Variants in SPATS2 observed in about 807,000 individuals in gnomAD.
The protein encoded by SPATS2 is spermatogenesis-associated serine-rich protein 2.
A neutral mutation model predicts 63.7 loss-of-function variants in SPATS2; 38 were observed. That is an observed-to-expected ratio of 0.60 (90% CI 0.46 to 0.78). The LOEUF is 0.78. SPATS2 is among the 30% of genes least tolerant of loss of function. SPATS2 has a pLI of 0.00. For synonymous variants in SPATS2, 207 were observed against 232.9 expected (o/e 0.89, Z 1.01); for missense variants, 588 against 666.2 (o/e 0.88, Z 1.29).
chr12:49,399,445 C>T (rs1005252510), intron 2 of SPATS2, among the ~76,000 whole-genome samples: 3 of 152,096 alleles, frequency 2.0e-5, no homozygotes, highest in Non-Finnish European at 4.4e-5. Flanking sequence ...TATTAGGGGC[C>T]ACGCATAAAG....
At chr12:49,408,656 A>G (rs1944740866) in intron 2 of SPATS2, among the ~76,000 whole-genome samples, 1 of 149,038 alleles carries the variant, frequency 6.7e-6, no homozygotes, top group African/African-American at 2.5e-5. Context: ...CCTGGCTTCA[A>G]GTGATTCTCC....
chr12:49,388,592 T>A (rs963272919), intron 2 of SPATS2, among the ~76,000 whole-genome samples: 8 of 151,908 alleles, frequency 5.3e-5, no homozygotes, highest in African/African-American at 1.7e-4. Context: ...CTCAGGCTGG[T>A]CTTGAACTTC....
chr12:49,424,659 AC>A (rs1203932239), intron 2 of SPATS2, among the ~76,000 whole-genome samples: 1 of 152,080 alleles, frequency 6.6e-6, no homozygotes, highest in Admixed American at 6.6e-5. Context: ...AATGATACAT[AC>A]GTACCATAGT....
Position 49,420,557 on chromosome 12 carries a change from T to C in SPATS2, c.-243-40213T>C, listed in dbSNP as rs888484567. Reference sequence around the variant, plus strand: ...TGCAGTGAGCCACTGCACTCCAGCCTGGGTGACGGGGCAAGACCCCATCTC... The same window carrying C: ...TGCAGTGAGCCACTGCACTCCAGCCCGGGTGACGGGGCAAGACCCCATCTC... On this transcript the variant is annotated intron_variant, in intron 2 of 13. Transcript: ENST00000552918. Among the ~76,000 whole-genome samples, 7 of 152,134 alleles carry C rather than the reference T, an allele frequency of 4.6e-5. No individual in the cohort carries two copies. In the South Asian group the frequency reaches 8.3e-4, roughly 18 times the overall value.
intron 2 of SPATS2, among the ~76,000 whole-genome samples, chr12:49,446,968 G>T (rs1185446012): frequency 6.8e-6 from 1 of 148,054 alleles, no homozygotes; most frequent in East Asian, 2.0e-4. Context: ...TTACTCTGTC[G>T]CCCAGGCTGG....
intron 2 of SPATS2, among the ~76,000 whole-genome samples, chr12:49,416,459 A>G (rs1944891255): frequency 6.6e-6 from 1 of 151,510 alleles, no homozygotes; most frequent in Non-Finnish European, 1.5e-5. Flanking sequence ...ACCTGGCAGA[A>G]GTTTTATCAC....
At chr12:49,376,524 G>A (rs1944106073) in intron 2 of SPATS2, among the ~76,000 whole-genome samples, 1 of 151,730 alleles carries the variant, frequency 6.6e-6, no homozygotes, top group African/African-American at 2.4e-5. Context: ...AGTCTCCCTA[G>A]TAGCTGGGAG....
intron 7 of SPATS2, among the ~76,000 whole-genome samples, chr12:49,495,229 T>C (rs1045788868): frequency 6.6e-6 from 1 of 152,152 alleles, no homozygotes; most frequent in Non-Finnish European, 1.5e-5. Flanking sequence ...AATCTCGCTG[T>C]GTCGCCCAGG....
rs969266223 is a variant in SPATS2 at position 49,472,309 on chromosome 12, A to C, written c.25+11272A>C. Among the ~76,000 whole-genome samples the C allele has an allele frequency of 7.2e-5, 11 of 152,114 alleles. No homozygotes were observed. The South Asian group carries it at 1.9e-3, about 26-fold the overall frequency. On this transcript the variant is annotated intron_variant, in intron 3 of 13. Transcript: ENST00000552918. ...ACCTCCAATGGGTTTATTTTGAAGC[A>C]ACTTTCTCCCACTATCTTAAGGAAA...
At chr12:49,388,938 C>T (rs181431295) in intron 2 of SPATS2, among the ~76,000 whole-genome samples, 16 of 152,194 alleles carry the variant, frequency 1.1e-4, no homozygotes, top group African/African-American at 3.6e-4. Flanking sequence ...AAGCAGTCCT[C>T]TCACATTGGC....
At position 49,406,034 on chromosome 12, in the gene SPATS2, C is replaced by T. The variant is rs139242494; in HGVS notation, c.-244+34744C>T. 2.7e-3 allele frequency among the ~76,000 whole-genome samples: 413 copies of T among 151,954 alleles called. 2 individuals carry two copies. The highest frequency in any genetic ancestry group is 9.6e-3 in the African/African-American group (399 of 41,450). On this transcript the variant is annotated intron_variant, in intron 2 of 13. Coordinates refer to ENST00000552918, the MANE Select transcript of SPATS2 (RefSeq NM_023071.4). ...ATGCCTTTGGTTTGGGAGGCCGAGG[C>T]GGGTGGATCACTTGAGGTCAGGAGT...
At position 49,367,466 on chromosome 12, in the gene SPATS2, A is replaced by G; in HGVS notation, c.-428A>G. On this transcript the variant is annotated 5_prime_UTR_variant, in exon 1 of 14. Transcript: ENST00000552918. ...GAGCTGGGGGAGGAGCGCGGCGGCG[A>G]CGGCGGCGGTGGCTCTAGAAGGGGA... 5.0e-6 allele frequency: 2 copies of G among 398,044 alleles called. No individual in the cohort carries two copies. The highest frequency in any genetic ancestry group is 1.3e-4 in the South Asian group (1 of 7,896). 24.7% of individuals were successfully genotyped at this position (398,044 alleles called of 1,614,324 possible).
intron 2 of SPATS2, among the ~76,000 whole-genome samples, chr12:49,396,406 G>T (rs940004242): frequency 6.6e-6 from 1 of 152,062 alleles, no homozygotes; most frequent in African/African-American, 2.4e-5. Context: ...TGATTTCCTC[G>T]TGGGAGGTTT....
intron 10 of SPATS2, among the ~76,000 whole-genome samples, chr12:49,515,111 A>G (rs1047317026): frequency 1.3e-5 from 2 of 152,222 alleles, no homozygotes; most frequent in Non-Finnish European, 2.9e-5. Flanking sequence ...TAGAGAATTG[A>G]GGGTTCAAGA....
intron 6 of SPATS2, among the ~76,000 whole-genome samples, chr12:49,492,446 G>A (rs905152049): frequency 2.6e-5 from 4 of 151,770 alleles, no homozygotes; most frequent in Non-Finnish European, 2.9e-5. Context: ...GGTGTCGAAC[G>A]CCTGACCCCA....
chr12:49,377,856 A>G (rs555675810), intron 2 of SPATS2, among the ~76,000 whole-genome samples: 20 of 152,234 alleles, frequency 1.3e-4, no homozygotes, highest in African/African-American at 4.8e-4. Context: ...CTACTCCCCT[A>G]CCTACTCCCT....
At chr12:49,493,720 T>G (rs904537514) in intron 6 of SPATS2, among the ~76,000 whole-genome samples, 1 of 152,142 alleles carries the variant, frequency 6.6e-6, no homozygotes, top group Admixed American at 6.6e-5. Context: ...TGAAACATCT[T>G]TATCCCATCC....
intron 2 of SPATS2, among the ~76,000 whole-genome samples, chr12:49,376,562 A>G (rs1181058628): frequency 1.3e-5 from 2 of 151,410 alleles, no homozygotes; most frequent in Non-Finnish European, 2.9e-5. Flanking sequence ...ATGCCCTGCT[A>G]ATTTTTAAAT....
intron 12 of SPATS2, among the ~76,000 whole-genome samples, 163 bp downstream of exon 12, chr12:49,523,016 T>G (rs189587613): frequency 1.2e-3 from 178 of 152,314 alleles, no homozygotes; most frequent in Non-Finnish European, 4.7e-4. Context: ...GCAGATACTT[T>G]GAACTCTGAG....
Sources: gnomAD v4.1 joint callset for allele counts (sites outside exome capture counted in the v4.1 genomes callset) on GRCh38, gnomAD v4.1.1 for gene constraint, MANE v1.5 for transcripts, NCBI Gene and HGNC (gene_info 2026-07-23, HGNC 2026-07-21) for gene names.